The following ARHGAP26 variants were observed in gnomAD, a reference collection of about 807,000 sequenced individuals.
The protein encoded by ARHGAP26 is rho GTPase-activating protein 26.
A neutral mutation model predicts 104.8 loss-of-function variants in ARHGAP26; 38 were observed. The ratio of observed to expected loss-of-function variants is 0.36; its 90% CI spans 0.28 to 0.48. ARHGAP26 has a LOEUF of 0.48. ARHGAP26 is among the 20% of genes least tolerant of loss of function. The probability of loss-of-function intolerance (pLI) is 0.99; values close to 1 mark genes in which losing one functional copy is unlikely to be tolerated. For synonymous variants in ARHGAP26, 341 were observed against 340.0 expected, an observed-to-expected ratio of 1.00 and a Z score of -0.03; for missense variants, 704 against 947.9, an observed-to-expected ratio of 0.74 and a Z score of 3.38.
At chr5:143,063,730 T>C (rs1376713755) in intron 17 of ARHGAP26, among the ~76,000 whole-genome samples, 1 of 152,250 alleles carries the variant, frequency 6.6e-6, no homozygotes, top group East Asian at 1.9e-4. Context: ...CCCCAGCCTC[T>C]GCCTGCCAAA....
chr5:143,091,771 C>G (rs572692896), intron 17 of ARHGAP26, among the ~76,000 whole-genome samples: 4 of 152,238 alleles, frequency 2.6e-5, no homozygotes, highest in African/African-American at 9.6e-5. Flanking sequence ...ACCTGTTGTG[C>G]TTTTATTTTA....
chr5:142,823,372 A>T (rs1766580913), intron 1 of ARHGAP26, among the ~76,000 whole-genome samples: 1 of 151,094 alleles, frequency 6.6e-6, no homozygotes. Context: ...TCCTCCCTTC[A>T]TTCAGTGTGC....
chr5:143,132,961 C>T (rs1234212611), intron 18 of ARHGAP26, among the ~76,000 whole-genome samples: 2 of 151,706 alleles, frequency 1.3e-5, no homozygotes, highest in Admixed American at 6.6e-5. Context: ...ATGCTGAGGA[C>T]ATTACCTGTT....
In ARHGAP26 at chr5:143,137,071, A is replaced by T. The variant is rs189926398; in HGVS notation, c.1837+2966A>T. Among the ~76,000 whole-genome samples the T allele has an allele frequency of 1.2e-3, 177 of 152,162 alleles. 3 individuals carry two copies. Among genetic ancestry groups the T allele is most frequent in the African/African-American group, 4.0e-3 (166 of 41,502 alleles). ...CTTTAAGTTAACCTTAAAGCAACTCACTTCTTTCCCTGGCTTCATCCTGAT... is the reference window on the plus strand; with the variant it reads ...CTTTAAGTTAACCTTAAAGCAACTCTCTTCTTTCCCTGGCTTCATCCTGAT... On this transcript the variant is annotated intron_variant, in intron 19 of 22. Transcript: ENST00000645722.
At chr5:143,039,573 C>G (rs1358429465) in intron 13 of ARHGAP26, among the ~76,000 whole-genome samples, 1 of 150,270 alleles carries the variant, frequency 6.7e-6, no homozygotes, top group African/African-American at 2.4e-5. Context: ...ATAAAATGTA[C>G]AGAGTTTAAA....
chr5:142,997,567 G>A (rs886766362), intron 11 of ARHGAP26, among the ~76,000 whole-genome samples: 1 of 136,980 alleles, frequency 7.3e-6, no homozygotes, highest in Non-Finnish European at 1.6e-5. Flanking sequence ...TGCCACCCAT[G>A]CCTGGCTGAT....
At chr5:142,999,001 A>G (rs1776822566) in intron 11 of ARHGAP26, among the ~76,000 whole-genome samples, 1 of 152,238 alleles carries the variant, frequency 6.6e-6, no homozygotes, top group Non-Finnish European at 1.5e-5. Flanking sequence ...ATATGAAATT[A>G]TTAAAGTGCA....
chr5:143,142,980 C>G (rs1798742116), intron 19 of ARHGAP26, among the ~76,000 whole-genome samples: 1 of 152,054 alleles, frequency 6.6e-6, no homozygotes, highest in African/African-American at 2.4e-5. Flanking sequence ...TTCGCTCTGT[C>G]TGGTAACTCC....
chr5:143,000,977 T>A (rs2152783765), intron 11 of ARHGAP26, among the ~76,000 whole-genome samples: 1 of 151,990 alleles, frequency 6.6e-6, no homozygotes, highest in South Asian at 2.1e-4. Context: ...CAAACTAACA[T>A]GGCACATGTA....
chr5:143,094,608 G>A (rs1792023110), intron 17 of ARHGAP26, among the ~76,000 whole-genome samples: 1 of 152,242 alleles, frequency 6.6e-6, no homozygotes, highest in South Asian at 2.1e-4. Context: ...ATAGAAGGAT[G>A]TGCCCTTACA....
At chr5:142,894,069 T>C (rs1759120763) in intron 5 of ARHGAP26, among the ~76,000 whole-genome samples, 169 bp from the exon 6 acceptor site, 1 of 152,206 alleles carries the variant, frequency 6.6e-6, no homozygotes, top group Non-Finnish European at 1.5e-5. Context: ...GATGTTTCAG[T>C]ATATTTTTGC....
chr5:142,967,315 C>T (rs944071781), intron 11 of ARHGAP26, among the ~76,000 whole-genome samples: 2 of 152,084 alleles, frequency 1.3e-5, no homozygotes, highest in South Asian at 2.1e-4. Context: ...CAGTGTCAAG[C>T]GGTTAGAAGG....
At chr5:143,089,586 T>C (rs1281299712) in intron 17 of ARHGAP26, among the ~76,000 whole-genome samples, 1 of 152,218 alleles carries the variant, frequency 6.6e-6, no homozygotes, top group Non-Finnish European at 1.5e-5. Flanking sequence ...TGTCTAAGGC[T>C]ATCCTGTTTT....
intron 1 of ARHGAP26, among the ~76,000 whole-genome samples, chr5:142,795,341 A>G (rs1320878085): frequency 6.6e-6 from 1 of 150,874 alleles, no homozygotes; most frequent in East Asian, 1.9e-4. Context: ...TTGGAATGAT[A>G]TTGTTGACTC....
chr5:143,164,167 A>G (rs1272689689), intron 20 of ARHGAP26, among the ~76,000 whole-genome samples: 1 of 151,962 alleles, frequency 6.6e-6, no homozygotes, highest in Non-Finnish European at 1.5e-5. Context: ...AATTTAGTTC[A>G]TATCTTGAAG....
intron 17 of ARHGAP26, among the ~76,000 whole-genome samples, chr5:143,114,782 G>A (rs971380930): frequency 1.3e-5 from 2 of 152,212 alleles, no homozygotes; most frequent in Non-Finnish European, 2.9e-5. Flanking sequence ...AGCTGGTGTA[G>A]AAATGTCCCA....
chr5:142,799,796 T>C lies in ARHGAP26; in HGVS notation c.154+28881T>C, dbSNP rs112540925. On this transcript the variant is annotated intron_variant, in intron 1 of 22. Coordinates refer to ENST00000645722, the MANE Select transcript of ARHGAP26 (RefSeq NM_001135608.3). ...GTGATAATAAACTCACTCCCATGAT[T>C]ACAGCATTGATTCATTCATGAGGGC... Among the ~76,000 whole-genome samples the C allele has an allele frequency of 2.0e-3, 309 of 152,350 alleles. 2 individuals are homozygous for C. Among genetic ancestry groups the C allele is most frequent in the African/African-American group, 7.0e-3 (290 of 41,578 alleles).
intron 1 of ARHGAP26, among the ~76,000 whole-genome samples, chr5:142,813,429 T>A (rs1374152596): frequency 1.3e-5 from 2 of 152,128 alleles, no homozygotes; most frequent in African/African-American, 2.4e-5. Flanking sequence ...ACCAGACTGC[T>A]CTGCCCTTCA....
At chr5:143,106,916 T>TG (rs1438671553) in intron 17 of ARHGAP26, among the ~76,000 whole-genome samples, 2 of 152,226 alleles carry the variant, frequency 1.3e-5, no homozygotes, top group Non-Finnish European at 2.9e-5. Flanking sequence ...GTTTGATTAA[T>TG]GGGCTCAGCT....
Sources: gnomAD v4.1 joint callset for allele counts (sites outside exome capture counted in the v4.1 genomes callset) on GRCh38, gnomAD v4.1.1 for gene constraint, MANE v1.5 for transcripts, NCBI Gene and HGNC (gene_info 2026-07-23, HGNC 2026-07-21) for gene names.